BRINP3: variants seen among roughly 807,000 people sequenced by gnomAD.
The protein encoded by BRINP3 is BMP/retinoic acid inducible neural specific 3.
In BRINP3, 19 loss-of-function variants were observed where a neutral mutation model predicts 71.0. That is an observed-to-expected ratio of 0.27 (90% CI 0.19 to 0.39). BRINP3 has a LOEUF of 0.39. Ranked by LOEUF, BRINP3 falls within the 10% of genes least tolerant of loss-of-function variation. The pLI, the probability that BRINP3 is intolerant of heterozygous loss-of-function variation, is 1.00. For missense variants in BRINP3, 959 were observed against 940.8 expected, an observed-to-expected ratio of 1.02 and a Z score of -0.25; for synonymous variants, 380 against 337.7, an observed-to-expected ratio of 1.13 and a Z score of -1.37.
Position 190,281,594 on chromosome 1 carries a change from A to G in BRINP3, c.393T>C (p.Tyr131=), listed in dbSNP as rs145082684. The G allele has an allele frequency of 1.6e-5, 25 of 1,612,540 alleles. No individual in the cohort carries two copies. Among genetic ancestry groups the G allele is most frequent in the Non-Finnish European group, 2.0e-5 (23 of 1,179,134 alleles). The change falls in exon 3 of 8, where the codon TAT becomes TAC. Residue 131 remains tyrosine (Y), a synonymous_variant. Transcript: ENST00000367462. The part of the protein sequence containing the change: ...QQITENLIKK[Y]GTHFLLSATL... ...TAGCAGATAGCAAGAAATGTGTCCC[A>G]TATTTCTTGATAAGGTTTTCTGTGA...
chr1:190,198,477 GA>G (rs1654696803), intron 6 of BRINP3, among the ~76,000 whole-genome samples: 1 of 151,946 alleles, frequency 6.6e-6, no homozygotes, highest in Non-Finnish European at 1.5e-5. Flanking sequence ...ATATATTTGT[GA>G]ATATATACAT....
At chr1:190,309,189 TA>T (rs11336540) in intron 2 of BRINP3, among the ~76,000 whole-genome samples, 85,361 of 150,178 alleles carry the variant, frequency 0.57, 24,325 homozygotes, top group Admixed American at 0.68. Flanking sequence ...AAGTCCACAA[TA>T]AAAAAAAAAC....
At chr1:190,153,405 G>C (rs959896478) in intron 7 of BRINP3, among the ~76,000 whole-genome samples, 3 of 152,016 alleles carry the variant, frequency 2.0e-5, no homozygotes, top group Non-Finnish European at 2.9e-5. Flanking sequence ...ACTTATCTAA[G>C]CACCTTTCAT....
chr1:190,294,443 G>A (rs779485061), intron 2 of BRINP3, among the ~76,000 whole-genome samples: 3 of 151,502 alleles, frequency 2.0e-5, no homozygotes, highest in Non-Finnish European at 2.9e-5. Context: ...GTAGAGATAG[G>A]GTCTCACTTT....
intron 7 of BRINP3, among the ~76,000 whole-genome samples, chr1:190,158,222 C>T (rs1657034891): frequency 6.6e-6 from 1 of 151,912 alleles, no homozygotes; most frequent in Non-Finnish European, 1.5e-5. Flanking sequence ...TGGGAGTTTC[C>T]CTGCACAAGT....
At chr1:190,378,222 T>C (rs1464232471) in intron 2 of BRINP3, among the ~76,000 whole-genome samples, 1 of 152,034 alleles carries the variant, frequency 6.6e-6, no homozygotes, top group Non-Finnish European at 1.5e-5. Context: ...CTGGCCAGAG[T>C]CTCAACAGAA....
chr1:190,262,956 GGAGAA>G (rs1202099856), intron 4 of BRINP3, among the ~76,000 whole-genome samples: 3 of 151,806 alleles, frequency 2.0e-5, no homozygotes, highest in Non-Finnish European at 4.4e-5. Flanking sequence ...TTCTCCTGTG[GGAGAA>G]GAGAAGTATA....
intron 2 of BRINP3, among the ~76,000 whole-genome samples, chr1:190,388,311 G>A (rs1166552961): frequency 1.3e-5 from 2 of 151,774 alleles, no homozygotes; most frequent in Non-Finnish European, 2.9e-5. Flanking sequence ...CTCCTACTGT[G>A]TTCCAGACAC....
chr1:190,253,145 T>C (rs1001793248), intron 4 of BRINP3, among the ~76,000 whole-genome samples: 2 of 152,172 alleles, frequency 1.3e-5, no homozygotes, highest in African/African-American at 4.8e-5. Context: ...CCATGGTGTA[T>C]ATGTGCCACA....
chr1:190,239,901 A>G (rs1658890994), intron 4 of BRINP3, among the ~76,000 whole-genome samples: 1 of 151,938 alleles, frequency 6.6e-6, no homozygotes, highest in African/African-American at 2.4e-5. Flanking sequence ...AAAGATTATG[A>G]AAAACAAACT....
At chr1:190,111,333 T>C (rs906722231) in intron 7 of BRINP3, among the ~76,000 whole-genome samples, 3 of 151,906 alleles carry the variant, frequency 2.0e-5, no homozygotes, top group Admixed American at 6.6e-5. Flanking sequence ...CATCTTTATA[T>C]ATATTGAAGT....
At chr1:190,215,867 A>T (rs1029418143) in intron 6 of BRINP3, among the ~76,000 whole-genome samples, 6 of 151,904 alleles carry the variant, frequency 3.9e-5, no homozygotes, top group African/African-American at 1.4e-4. Context: ...GTGGTAACAC[A>T]TTTTTTCCAA....
chr1:190,252,196 T>G (rs1489002395), intron 4 of BRINP3, among the ~76,000 whole-genome samples: 1 of 152,082 alleles, frequency 6.6e-6, no homozygotes, highest in Non-Finnish European at 1.5e-5. Context: ...TGCTGCTGTG[T>G]TCCATGCTCA....
intron 4 of BRINP3, among the ~76,000 whole-genome samples, chr1:190,252,958 G>A (rs1660285289): frequency 6.6e-6 from 1 of 151,766 alleles, no homozygotes; most frequent in Non-Finnish European, 1.5e-5. Context: ...CAGACCCCAG[G>A]GTGTGATGTT....
intron 2 of BRINP3, among the ~76,000 whole-genome samples, chr1:190,453,201 G>GTTTTTTTTTTTTTTTTTTTTT (rs745819844): frequency 5.3e-5 from 2 of 37,852 alleles, no homozygotes; most frequent in Non-Finnish European, 6.1e-5. Flanking sequence ...AAAAACTTTA[G>GTTTTTTTTTTTTTTTTTTTTT]TATTTTTTTT....
chr1:190,110,561 T>C (rs1484939288), intron 7 of BRINP3, among the ~76,000 whole-genome samples: 1 of 152,194 alleles, frequency 6.6e-6, no homozygotes, highest in Non-Finnish European at 1.5e-5. Context: ...TTTAGCCAAG[T>C]ACCCTCTACT....
intron 2 of BRINP3, among the ~76,000 whole-genome samples, chr1:190,447,277 C>T (rs1290557056): frequency 1.5e-5 from 2 of 132,258 alleles, no homozygotes; most frequent in African/African-American, 2.7e-5. Context: ...AGACTATTAC[C>T]CTATATATAT....
At chr1:190,461,293 T>C (rs944198556) in intron 1 of BRINP3, among the ~76,000 whole-genome samples, 4 of 152,144 alleles carry the variant, frequency 2.6e-5, no homozygotes, top group Non-Finnish European at 5.9e-5. Context: ...AAGATCTTAG[T>C]TTATTGCGGT....
chr1:190,392,740 C>T (rs1671328509), intron 2 of BRINP3, among the ~76,000 whole-genome samples: 1 of 151,464 alleles, frequency 6.6e-6, no homozygotes, highest in South Asian at 2.1e-4. Flanking sequence ...CTTGTAGTTC[C>T]ACTGGCATTC....
Sources: allele counts gnomAD v4.1 joint callset (sites outside exome capture counted in the v4.1 genomes callset), GRCh38; gene constraint gnomAD v4.1.1; transcripts MANE v1.5; gene names NCBI Gene and HGNC (gene_info 2026-07-23, HGNC 2026-07-21).